Variants in SLC66A2 observed in about 807,000 individuals in gnomAD.
SLC66A2 encodes solute carrier family 66 member 2.
Under a neutral mutation model 25.5 loss-of-function variants are expected in SLC66A2, and 23 were observed. The observed-to-expected ratio is 0.90, with a 90% CI of 0.65 to 1.28. The LOEUF is 1.28. SLC66A2 is among the 50% of genes most tolerant of loss of function. SLC66A2 has a pLI of 0.00. For missense variants in SLC66A2, 396 were observed against 373.1 expected (o/e 1.06, Z -0.51); for synonymous variants, 193 against 166.5 (o/e 1.16, Z -1.23).
In SLC66A2 at chr18:79,940,974, G is replaced by A. The variant is rs900122850; in HGVS notation, c.337+2355C>T. ...CAGGTCACCCAGGCTGACCCCAGGA[G>A]CCCGGCCCCCTACCCCTCGTGGCGG... is the stretch of plus-strand genomic sequence containing the variant. On this transcript the variant is annotated intron_variant, in intron 3 of 5. Transcript: ENST00000397778. This position sits in a 1 kb window ranked among gnomAD's most constrained non-coding sequence, Gnocchi z 4.1. Among the ~76,000 whole-genome samples, 1 of 152,074 alleles carries A rather than the reference G, an allele frequency of 6.6e-6. No individual in the cohort carries two copies. The highest frequency in any genetic ancestry group is 1.5e-5 in the Non-Finnish European group (1 of 68,014).
At chr18:79,913,618 T>C (rs983103940) in intron 5 of SLC66A2, among the ~76,000 whole-genome samples, 1 of 152,248 alleles carries the variant, frequency 6.6e-6, no homozygotes, top group Non-Finnish European at 1.5e-5. Flanking sequence ...CACGCGCGCA[T>C]GGAGGCAACT....
rs544445896 is a variant in SLC66A2 at position 79,918,899 on chromosome 18, G to A, written c.608+285C>T. 2.4e-4 allele frequency among the ~76,000 whole-genome samples: 37 copies of A among 152,332 alleles called. No homozygotes were observed. In the South Asian group the frequency reaches 7.2e-3, roughly 30 times the overall value. Reference sequence around the variant, plus strand: ...TCCTGCCCCGTCTGGCCAGGCACTCGGACATCCCTCCCACTGGAAGGTTCC... The same window carrying A: ...TCCTGCCCCGTCTGGCCAGGCACTCAGACATCCCTCCCACTGGAAGGTTCC... On this transcript the variant is annotated intron_variant, in intron 5 of 5. Transcript: ENST00000397778. This position sits in a 1 kb window ranked among gnomAD's most constrained non-coding sequence, Gnocchi z 4.0.
At chr18:79,926,443 G>C (rs924795602) in intron 4 of SLC66A2, among the ~76,000 whole-genome samples, 15 of 152,074 alleles carry the variant, frequency 9.9e-5, no homozygotes, top group African/African-American at 3.4e-4. Context: ...TTCGAACACT[G>C]AACGGAGAAC....
rs11874314 is a variant in SLC66A2 at position 79,933,936 on chromosome 18, G to A, written c.391+33C>T. The stretch of plus-strand genomic sequence containing the variant: ...GCTGCAGGAATGAAGCAAAAGGAAC[G>A]TGCTGCGGACAGTGCACGCGCAGGG... On this transcript the variant is annotated intron_variant, in intron 4 of 5. Transcript: ENST00000397778. The A allele has an allele frequency of 9.9e-4, 1,568 of 1,591,740 alleles. 4 individuals carry two copies. The African/African-American group carries it at 0.018, about 18-fold the overall frequency.
intron 1 of SLC66A2, 29 bp downstream of exon 1, chr18:79,951,552 G>C (rs1340070167): frequency 6.6e-6 from 1 of 152,162 alleles, no homozygotes; most frequent in South Asian, 1.8e-4. Flanking sequence ...CGCCCCCCGA[G>C]GACCCCGCGC....
At chr18:79,948,056 G>A (rs147032932) in intron 2 of SLC66A2, among the ~76,000 whole-genome samples, 27 of 152,336 alleles carry the variant, frequency 1.8e-4, no homozygotes, top group African/African-American at 6.5e-4. Context: ...GGAACACACT[G>A]GGGCCCTGCG....
chr18:79,904,774 C>T lies in SLC66A2; in HGVS notation c.609-591G>A, dbSNP rs952339691. Among the ~76,000 whole-genome samples the T allele has an allele frequency of 1.1e-4, 17 of 152,202 alleles. No homozygotes were observed. The highest frequency in any genetic ancestry group is 1.6e-4 in the Non-Finnish European group (11 of 68,018). On this transcript the variant is annotated intron_variant, in intron 5 of 5. Coordinates refer to ENST00000397778, the MANE Select transcript of SLC66A2 (RefSeq NM_025078.5). The surrounding 1 kb of genome is among the most constrained non-coding windows in gnomAD (Gnocchi z 6.3). ...GCAGCCGCCACCCACCATCCCAGTCCGAACACGCTTCCCCCACCGCTGTGT... is the reference window on the plus strand; with the variant it reads ...GCAGCCGCCACCCACCATCCCAGTCTGAACACGCTTCCCCCACCGCTGTGT...
intron 4 of SLC66A2, among the ~76,000 whole-genome samples, chr18:79,923,181 G>A (rs1290807472): frequency 6.9e-6 from 1 of 144,636 alleles, no homozygotes. Flanking sequence ...GAGGGGGGCT[G>A]AGCAGGATGG....
chr18:79,934,982 C>T (rs1389291446), intron 3 of SLC66A2, among the ~76,000 whole-genome samples: 1 of 152,188 alleles, frequency 6.6e-6, no homozygotes, highest in Non-Finnish European at 1.5e-5. Flanking sequence ...ACCAATGCAG[C>T]ATACAAAGTG....
chr18:79,950,636 C>G (rs2145003741), intron 2 of SLC66A2, 88 bp downstream of exon 2: 1 of 1,353,794 alleles, frequency 7.4e-7, no homozygotes, highest in Non-Finnish European at 1.0e-6. Context: ...AGGTGTGGAC[C>G]CTGCTGCTCC....
At chr18:79,931,103 A>G (rs1359339622) in intron 4 of SLC66A2, among the ~76,000 whole-genome samples, 3 of 152,254 alleles carry the variant, frequency 2.0e-5, no homozygotes, top group African/African-American at 7.2e-5. Context: ...TTAAAATGTT[A>G]CATTAGAAAA....
intron 5 of SLC66A2, among the ~76,000 whole-genome samples, chr18:79,910,625 C>G (rs940011860): frequency 6.6e-6 from 1 of 152,242 alleles, no homozygotes; most frequent in Non-Finnish European, 1.5e-5. Context: ...AACATTTTCT[C>G]ATTCTAAAAG....
At chr18:79,925,706 T>C (rs1484290263) in intron 4 of SLC66A2, among the ~76,000 whole-genome samples, 1 of 152,244 alleles carries the variant, frequency 6.6e-6, no homozygotes, top group South Asian at 2.1e-4. Context: ...ACCAGGAGAC[T>C]GTCTCCTAAT....
chr18:79,928,194 C>T (rs1986198336), intron 4 of SLC66A2, among the ~76,000 whole-genome samples: 1 of 152,228 alleles, frequency 6.6e-6, no homozygotes, highest in Non-Finnish European at 1.5e-5. Context: ...AAGGCCCCAG[C>T]CCAGATGGCA....
chr18:79,912,829 G>A (rs535606441), intron 5 of SLC66A2, among the ~76,000 whole-genome samples: 4 of 152,248 alleles, frequency 2.6e-5, no homozygotes, highest in Non-Finnish European at 4.4e-5. Context: ...TGCGTGCACC[G>A]AGCTTGCTTC....
At chr18:79,912,421 C>T (rs972710479) in intron 5 of SLC66A2, among the ~76,000 whole-genome samples, 2 of 152,148 alleles carry the variant, frequency 1.3e-5, no homozygotes, top group African/African-American at 4.8e-5. Flanking sequence ...AGGAAAGAAA[C>T]GCTGACCCCT....
intron 2 of SLC66A2, among the ~76,000 whole-genome samples, chr18:79,948,182 C>T (rs569791959): frequency 6.6e-6 from 1 of 152,192 alleles, no homozygotes; most frequent in Non-Finnish European, 1.5e-5. Context: ...CTGTGCTCCA[C>T]AAAGAAAGAG....
chr18:79,927,228 G>A lies in SLC66A2; in HGVS notation c.391+6741C>T, dbSNP rs998828051. ...GAACAAACAGGCACTGCCCAGACCC[G>A]GAGCTGCAGGCAGGGCTCAGCAGGA... On this transcript the variant is annotated intron_variant, in intron 4 of 5. Coordinates refer to ENST00000397778, the MANE Select transcript of SLC66A2 (RefSeq NM_025078.5). The surrounding 1 kb of genome is among the most constrained non-coding windows in gnomAD (Gnocchi z 6.2). Among the ~76,000 whole-genome samples, 4 of 152,094 alleles carry A rather than the reference G, an allele frequency of 2.6e-5. No individual in the cohort carries two copies. In the South Asian group the frequency reaches 6.2e-4, roughly 24 times the overall value.
At chr18:79,911,317 G>A (rs560178558) in intron 5 of SLC66A2, among the ~76,000 whole-genome samples, 3 of 152,380 alleles carry the variant, frequency 2.0e-5, no homozygotes, top group Non-Finnish European at 4.4e-5. Context: ...AGCCAGGCAG[G>A]CCAGGAGGCA....
Sources: allele counts gnomAD v4.1 joint callset (sites outside exome capture counted in the v4.1 genomes callset), GRCh38; gene constraint gnomAD v4.1.1; non-coding constraint Gnocchi (gnomAD v3.1); transcripts MANE v1.5; gene names NCBI Gene and HGNC (gene_info 2026-07-23, HGNC 2026-07-21).